GRID2: variants seen among roughly 807,000 people sequenced by gnomAD.
GRID2 encodes the protein glutamate ionotropic receptor delta type subunit 2.
A neutral mutation model predicts 114.8 loss-of-function variants in GRID2; 33 were observed. The observed-to-expected ratio is 0.29, with a 90% CI of 0.22 to 0.38. The LOEUF (loss-of-function observed/expected upper bound fraction) is 0.38. Ranked by LOEUF, GRID2 falls within the 10% of genes least tolerant of loss-of-function variation. The pLI, the probability that GRID2 is intolerant of heterozygous loss-of-function variation, is 1.00. For synonymous variants in GRID2, 505 were observed against 449.9 expected (o/e 1.12, Z -1.55); for missense variants, 1,184 against 1,257.7 (o/e 0.94, Z 0.89).
At chr4:93,575,421 A>T (rs892430868) in intron 13 of GRID2, among the ~76,000 whole-genome samples, 1 of 152,124 alleles carries the variant, frequency 6.6e-6, no homozygotes, top group Non-Finnish European at 1.5e-5. Flanking sequence ...TGTTACCTTG[A>T]TTCTAACATC....
chr4:93,417,974 A>T (rs1767889701), intron 9 of GRID2, among the ~76,000 whole-genome samples: 2 of 150,052 alleles, frequency 1.3e-5, no homozygotes, highest in Admixed American at 1.3e-4. Flanking sequence ...ATACCTAAGG[A>T]GTGGAATTTC....
intron 14 of GRID2, among the ~76,000 whole-genome samples, chr4:93,765,270 A>T (rs953210096): frequency 2.6e-5 from 4 of 152,120 alleles, no homozygotes; most frequent in African/African-American, 4.8e-5. Context: ...GAACACTTTC[A>T]TTCCCTTCCA....
At chr4:92,600,019 CATGTATGTGTGTGTGTGTGTGTGTGTAT>C (rs1180182172) in intron 2 of GRID2, among the ~76,000 whole-genome samples, 19 of 93,984 alleles carry the variant, frequency 2.0e-4, no homozygotes, top group African/African-American at 8.7e-4. Flanking sequence ...GGCAATACTT[CATGTATGTGTGTGTGTGTGTGTGTGTAT>C]ATATATATAT....
intron 8 of GRID2, among the ~76,000 whole-genome samples, chr4:93,321,998 A>G (rs550724495): frequency 6.6e-6 from 1 of 151,654 alleles, no homozygotes; most frequent in Non-Finnish European, 1.5e-5. Flanking sequence ...TAATTAAACA[A>G]TCTTTCTTCC....
At chr4:92,697,522 G>A (rs1259565770) in intron 2 of GRID2, among the ~76,000 whole-genome samples, 1 of 152,142 alleles carries the variant, frequency 6.6e-6, no homozygotes, top group African/African-American at 2.4e-5. Context: ...ATTAAGAAGA[G>A]ATAACTGGCA....
chr4:92,627,143 T>TC (rs1730561282), intron 2 of GRID2, among the ~76,000 whole-genome samples: 1 of 151,992 alleles, frequency 6.6e-6, no homozygotes, highest in South Asian at 2.1e-4. Flanking sequence ...TAGATACAGG[T>TC]TATAAGACAT....
chr4:92,926,858 A>G (rs1487798395), intron 2 of GRID2, among the ~76,000 whole-genome samples: 2 of 151,936 alleles, frequency 1.3e-5, no homozygotes, highest in Admixed American at 1.3e-4. Flanking sequence ...ACTCATTCCC[A>G]TGATAATGGC....
chr4:92,329,693 A>T (rs1204251173), intron 1 of GRID2, among the ~76,000 whole-genome samples: 2 of 151,960 alleles, frequency 1.3e-5, no homozygotes, highest in South Asian at 4.1e-4. Context: ...TAGAAAAAAC[A>T]CTCAAAAATC....
At chr4:92,371,536 A>T (rs1277053362) in intron 1 of GRID2, among the ~76,000 whole-genome samples, 3 of 152,106 alleles carry the variant, frequency 2.0e-5, no homozygotes, top group Non-Finnish European at 4.4e-5. Context: ...CTGGAAGACA[A>T]TGTATGTGTT....
At chr4:93,440,586 A>G (rs1355698195) in intron 10 of GRID2, among the ~76,000 whole-genome samples, 1 of 152,114 alleles carries the variant, frequency 6.6e-6, no homozygotes, top group African/African-American at 2.4e-5. Flanking sequence ...ATAGGATGAA[A>G]CTAAAATATA....
chr4:92,476,965 T>G (rs866976226), intron 1 of GRID2, among the ~76,000 whole-genome samples: 1 of 149,308 alleles, frequency 6.7e-6, no homozygotes. Flanking sequence ...GAAATGAAGT[T>G]ATTTAAAACA....
intron 13 of GRID2, among the ~76,000 whole-genome samples, chr4:93,564,601 GAAT>G (rs1215440173): frequency 6.6e-6 from 1 of 152,000 alleles, no homozygotes; most frequent in Non-Finnish European, 1.5e-5. Flanking sequence ...CTAGGCTAAA[GAAT>G]AATGAGTGTA....
At chr4:92,970,188 A>G (rs1003389571) in intron 2 of GRID2, among the ~76,000 whole-genome samples, 13 of 151,914 alleles carry the variant, frequency 8.6e-5, no homozygotes, top group African/African-American at 3.1e-4. Flanking sequence ...GAGATGTGGT[A>G]GGAGCTCAGA....
intron 2 of GRID2, among the ~76,000 whole-genome samples, chr4:93,009,192 C>G (rs1267604262): frequency 6.6e-6 from 1 of 152,052 alleles, no homozygotes; most frequent in South Asian, 2.1e-4. Context: ...CTGCATGATC[C>G]TCTCTATACT....
At chr4:92,523,336 C>A (rs1560687397) in intron 1 of GRID2, among the ~76,000 whole-genome samples, 1 of 151,804 alleles carries the variant, frequency 6.6e-6, no homozygotes, top group African/African-American at 2.4e-5. Flanking sequence ...ATGGAGGCAA[C>A]CAGTAGACAG....
At chr4:93,564,203 T>G (rs1015150957) in intron 13 of GRID2, among the ~76,000 whole-genome samples, 2 of 152,018 alleles carry the variant, frequency 1.3e-5, no homozygotes, top group Non-Finnish European at 2.9e-5. Context: ...TAGAAATATG[T>G]CAAAGTCTGA....
intron 5 of GRID2, among the ~76,000 whole-genome samples, chr4:93,214,530 G>T (rs548229048): frequency 6.6e-6 from 1 of 152,004 alleles, no homozygotes; most frequent in Non-Finnish European, 1.5e-5. Context: ...AATTGCAAGT[G>T]AATTTTTTGA....
intron 2 of GRID2, among the ~76,000 whole-genome samples, chr4:92,653,197 A>G (rs566172270): frequency 7.6e-4 from 114 of 149,770 alleles, no homozygotes; most frequent in African/African-American, 2.5e-3. Context: ...ATGGGGTGTC[A>G]CCATCTTGGC....
intron 1 of GRID2, among the ~76,000 whole-genome samples, chr4:93,806,355 A>T (rs901184445): frequency 1.3e-5 from 2 of 152,204 alleles, no homozygotes; most frequent in African/African-American, 4.8e-5. Context: ...CTCTCTGTTG[A>T]CTCTCCATGT....
Sources: gnomAD v4.1 joint callset for allele counts (sites outside exome capture counted in the v4.1 genomes callset) on GRCh38, gnomAD v4.1.1 for gene constraint, MANE v1.5 for transcripts, NCBI Gene and HGNC (gene_info 2026-07-23, HGNC 2026-07-21) for gene names.